Variants in TTC29 observed in about 807,000 individuals in gnomAD.
TTC29 encodes tetratricopeptide repeat protein 29.
In TTC29, 49 loss-of-function variants were observed where a neutral mutation model predicts 58.1. The ratio of observed to expected loss-of-function variants is 0.84; its 90% CI spans 0.67 to 1.07. The LOEUF is 1.07. Among genes scored for constraint, TTC29 ranks in the 50% least tolerant of loss-of-function variants. The pLI is 0.00. For missense variants in TTC29, 582 were observed against 555.6 expected (o/e 1.05, Z -0.48); for synonymous variants, 209 against 196.8 (o/e 1.06, Z -0.52).
At chr4:146,864,660 C>T (rs1730453434) in intron 8 of TTC29, among the ~76,000 whole-genome samples, 1 of 152,168 alleles carries the variant, frequency 6.6e-6, no homozygotes, top group African/African-American at 2.4e-5. Flanking sequence ...TTCCTTGCCT[C>T]TTTTATCTCC....
At chr4:146,867,622 A>T (rs1267927479) in intron 7 of TTC29, 39 bp from the exon 8 acceptor site, 12 of 969,086 alleles carry the variant, frequency 1.2e-5, no homozygotes, top group Non-Finnish European at 1.8e-5. Context: ...AGTATTCAAT[A>T]AATGATTTAT....
chr4:146,872,021 T>C (rs1355843462), intron 7 of TTC29, among the ~76,000 whole-genome samples: 8 of 152,140 alleles, frequency 5.3e-5, no homozygotes, highest in African/African-American at 1.9e-4. Flanking sequence ...AGTAATAAAA[T>C]CTATGTATTC....
At chr4:146,844,126 A>G (rs1159555502) in intron 8 of TTC29, among the ~76,000 whole-genome samples, 1 of 152,182 alleles carries the variant, frequency 6.6e-6, no homozygotes, top group African/African-American at 2.4e-5. Context: ...ATTATCTTTC[A>G]CATGCTAAGA....
At chr4:146,800,437 T>C (rs182600311) in intron 11 of TTC29, among the ~76,000 whole-genome samples, 8 of 152,340 alleles carry the variant, frequency 5.3e-5, no homozygotes, top group Admixed American at 2.6e-4. Flanking sequence ...CTGTTTTTTT[T>C]CTGAATACAT....
chr4:146,762,033 C>A (rs746488741), intron 11 of TTC29, among the ~76,000 whole-genome samples: 2 of 151,806 alleles, frequency 1.3e-5, no homozygotes, highest in Non-Finnish European at 2.9e-5. Context: ...CAAATCATGT[C>A]TTATGGCAGT....
At chr4:146,713,296 C>CTCCTCT (rs1379168444) in intron 11 of TTC29, among the ~76,000 whole-genome samples, 1 of 151,450 alleles carries the variant, frequency 6.6e-6, no homozygotes, top group Non-Finnish European at 1.5e-5. Flanking sequence ...TTTCCTCCTC[C>CTCCTCT]TCCTCCTCCT....
intron 8 of TTC29, among the ~76,000 whole-genome samples, chr4:146,838,790 A>T (rs916702203): frequency 1.3e-5 from 2 of 151,890 alleles, no homozygotes; most frequent in Admixed American, 6.6e-5. Flanking sequence ...CTCCTTTCTA[A>T]CTTCCTCTGT....
chr4:146,818,592 C>T (rs1300530438), intron 10 of TTC29, among the ~76,000 whole-genome samples: 9 of 151,328 alleles, frequency 5.9e-5, no homozygotes, highest in Non-Finnish European at 1.3e-4. Context: ...GGGTATATAC[C>T]CAAAGGACTA....
At chr4:146,862,553 GA>G (rs1730302788) in intron 8 of TTC29, among the ~76,000 whole-genome samples, 1 of 152,182 alleles carries the variant, frequency 6.6e-6, no homozygotes, top group South Asian at 2.1e-4. Context: ...TAAGGAGAGT[GA>G]AAAGACATTG....
chr4:146,736,086 T>C (rs1297040015), intron 11 of TTC29, among the ~76,000 whole-genome samples: 4 of 152,036 alleles, frequency 2.6e-5, no homozygotes, highest in African/African-American at 9.7e-5. Flanking sequence ...TTCCTCCAGT[T>C]TGGAGAAATG....
intron 8 of TTC29, among the ~76,000 whole-genome samples, chr4:146,862,950 G>A (rs1029369295): frequency 2.3e-4 from 35 of 151,802 alleles, no homozygotes; most frequent in Admixed American, 2.0e-3. Flanking sequence ...GTGAAACCCC[G>A]TCTGTACTAA....
chr4:146,762,674 T>C (rs1747000893), intron 11 of TTC29, among the ~76,000 whole-genome samples: 1 of 151,900 alleles, frequency 6.6e-6, no homozygotes, highest in Non-Finnish European at 1.5e-5. Flanking sequence ...AAAACATGAT[T>C]CAAGTAATCA....
Position 146,803,490 on chromosome 4 carries a change from T to C in TTC29, c.1297A>G (p.Ser433Gly). Residue 433 changes from serine to glycine, a missense_variant, in exon 11 of 13, where the codon AGC (serine) becomes GGC (glycine). Transcript: ENST00000325106. ...SLNYLLSWKESRGNIEPDPVT... is the reference protein window; with the variant it reads ...SLNYLLSWKEGRGNIEPDPVT... ...GGATCAGGTTCAATGTTACCTCTGC[T>C]CTCCTTCCATGACAGCAGGTAGTTG... The C allele has an allele frequency of 6.3e-7, 1 of 1,594,458 alleles. No individual in the cohort carries two copies. The highest frequency in any genetic ancestry group is 2.2e-5 in the East Asian group (1 of 44,466).
chr4:146,740,961 A>G (rs1745091745), intron 11 of TTC29, among the ~76,000 whole-genome samples: 1 of 152,004 alleles, frequency 6.6e-6, no homozygotes, highest in African/African-American at 2.4e-5. Flanking sequence ...GGCTCAAACA[A>G]CCCTCCTAAG....
intron 11 of TTC29, among the ~76,000 whole-genome samples, chr4:146,756,731 T>C (rs979212396): frequency 1.3e-5 from 2 of 151,842 alleles, no homozygotes; most frequent in Admixed American, 6.6e-5. Context: ...TATTTTTTTA[T>C]TCTTTTTTTT....
At chr4:146,861,447 C>A (rs1730226594) in intron 8 of TTC29, among the ~76,000 whole-genome samples, 3 of 152,144 alleles carry the variant, frequency 2.0e-5, no homozygotes, top group Non-Finnish European at 2.9e-5. Flanking sequence ...CTCTATGACC[C>A]CTTGCACAGA....
At position 146,824,330 on chromosome 4, in the gene TTC29, G is replaced by A. The variant is rs185639918; in HGVS notation, c.978-4082C>T. 4.6e-5 allele frequency among the ~76,000 whole-genome samples: 7 copies of A among 152,044 alleles called. No individual in the cohort carries two copies. In the East Asian group the frequency reaches 9.7e-4, roughly 21 times the overall value. ...ACATGAAGGGGTGTTGTATTTTATC[G>A]AAGGCCTTTTCTGCATCTATTGAGG... On this transcript the variant is annotated intron_variant, in intron 9 of 12. Coordinates refer to ENST00000325106, the MANE Select transcript of TTC29 (RefSeq NM_031956.4).
chr4:146,868,942 T>C (rs1579868782), intron 7 of TTC29, among the ~76,000 whole-genome samples: 1 of 151,896 alleles, frequency 6.6e-6, no homozygotes, highest in Non-Finnish European at 1.5e-5. Context: ...TGAGAGCTGA[T>C]TGCTTTAAAG....
intron 11 of TTC29, among the ~76,000 whole-genome samples, chr4:146,720,418 C>A (rs1248640047): frequency 1.3e-5 from 2 of 152,080 alleles, no homozygotes; most frequent in Non-Finnish European, 2.9e-5. Flanking sequence ...TAAAAGATTT[C>A]TTGTCTTTGG....
Sources: allele counts gnomAD v4.1 joint callset (sites outside exome capture counted in the v4.1 genomes callset), GRCh38; gene constraint gnomAD v4.1.1; transcripts MANE v1.5; gene names NCBI Gene and HGNC (gene_info 2026-07-23, HGNC 2026-07-21).